HOOK2: variants seen among roughly 807,000 people sequenced by gnomAD.
The protein encoded by HOOK2 is protein Hook homolog 2.
A neutral mutation model predicts 111.9 loss-of-function variants in HOOK2; 108 were observed. The ratio of observed to expected loss-of-function variants is 0.96; its 90% CI spans 0.83 to 1.13. The LOEUF (loss-of-function observed/expected upper bound fraction) is 1.13, where lower values mean the gene tolerates loss of function less well. Ranked by LOEUF, HOOK2 falls within the 50% of genes most tolerant of loss-of-function variation. HOOK2 has a pLI of 0.00. For synonymous variants in HOOK2, 405 were observed against 394.3 expected, an observed-to-expected ratio of 1.03 and a Z score of -0.32; for missense variants, 978 against 951.3, an observed-to-expected ratio of 1.03 and a Z score of -0.37.
chr19:12,763,896 T>A (rs1968071818), intron 20 of HOOK2, 118 bp from the exon 21 acceptor site: 2 of 708,836 alleles, frequency 2.8e-6, no homozygotes, highest in Non-Finnish European at 4.7e-6. Flanking sequence ...CCCCCTATGT[T>A]GCCCAGGATG....
chr19:12,774,526 T>C, intron 3 of HOOK2, 143 bp downstream of exon 3: 1 of 795,736 alleles, frequency 1.3e-6, no homozygotes, highest in Non-Finnish European at 2.1e-6. Context: ...GGGTGAGTAC[T>C]CCATAGATGA....
At chr19:12,773,543 G>A (rs1339056510) in intron 3 of HOOK2, among the ~76,000 whole-genome samples, 1 of 151,544 alleles carries the variant, frequency 6.6e-6, no homozygotes, top group Non-Finnish European at 1.5e-5. Context: ...CACTGTGCCC[G>A]GCCTGCCTGA....
rs1021189853 is a variant in HOOK2, at chr19:12,791,725, C to T, written n.42-17500G>A. On this transcript the variant is annotated intron_variant and non_coding_transcript_variant, in intron 3 of 3. Coordinates refer to the HOOK2 transcript ENST00000589765. This position sits in a 1 kb window ranked among gnomAD's most constrained non-coding sequence, Gnocchi z 7.0. Reference sequence around the variant, plus strand: ...GCTCGCCGCTCGCTGCAGCGAGGCCCGGAGCGGCCCCGCAGGGACCCTCCC... The same window carrying T: ...GCTCGCCGCTCGCTGCAGCGAGGCCTGGAGCGGCCCCGCAGGGACCCTCCC... 2 of 1,406,716 alleles carry T rather than the reference C, an allele frequency of 1.4e-6. No individual in the cohort carries two copies. The highest frequency in any genetic ancestry group is 1.9e-6 in the Non-Finnish European group (2 of 1,034,240). 87.1% of individuals were successfully genotyped at this position (1,406,716 alleles called of 1,614,324 possible).
Position 12,763,132 on chromosome 19 carries a change from C to A in HOOK2, c.*150G>T, listed in dbSNP as rs1968044419. On this transcript the variant is annotated 3_prime_UTR_variant, in exon 23 of 23. Coordinates refer to ENST00000397668, the MANE Select transcript of HOOK2 (RefSeq NM_013312.3). ...AGAACAGGCCTATATCTACCTCCCGCCCTCCCTCCCCACCAATCTGGGAGA... is the reference window on the plus strand; with the variant it reads ...AGAACAGGCCTATATCTACCTCCCGACCTCCCTCCCCACCAATCTGGGAGA... The A allele has an allele frequency of 3.6e-6, 2 of 551,196 alleles. No homozygotes were observed. Among genetic ancestry groups the A allele is most frequent in the Admixed American group, 3.2e-5 (1 of 31,000 alleles). The allele number at this position is 551,196 out of a possible 1,614,324, so 34.1% of individuals were successfully genotyped here. A position where few individuals can be genotyped will look rare whatever the true frequency, so the allele number is the denominator to read the frequency against.
intron 3 of HOOK2, among the ~76,000 whole-genome samples, chr19:12,773,739 G>A (rs1321509586): frequency 6.6e-6 from 1 of 152,130 alleles, no homozygotes; most frequent in Non-Finnish European, 1.5e-5. Context: ...TAAAGCCCAA[G>A]CCAGGTTGCA....
intron 3 of HOOK2, chr19:12,774,329 C>T (rs1968429285): frequency 2.8e-6 from 1 of 357,794 alleles, no homozygotes; most frequent in African/African-American, 2.1e-5. Context: ...TGGTCTTGAA[C>T]TCCTGGCCCC....
At chr19:12,774,961 T>A in intron 1 of HOOK2, 64 bp from the exon 2 acceptor site, 1 of 1,466,984 alleles carries the variant, frequency 6.8e-7, no homozygotes, top group Non-Finnish European at 9.3e-7. Context: ...CGCTCCCCTT[T>A]TGCAGACTTT....
chr19:12,773,262 CTT>C (rs1968394091), intron 3 of HOOK2: 4 of 452,884 alleles, frequency 8.8e-6, no homozygotes, highest in Non-Finnish European at 1.5e-5. Flanking sequence ...TTTGCTTTAG[CTT>C]TTTAAGACAG....
At chr19:12,767,722 C>T (rs1193964201) in intron 13 of HOOK2, 94 bp downstream of exon 13, 10 of 1,207,064 alleles carry the variant, frequency 8.3e-6, no homozygotes, top group Non-Finnish European at 1.2e-6. Flanking sequence ...TGGCCTAGCT[C>T]TGTCCCCAAC....
At chr19:12,772,038 C>T (rs936126141) in intron 7 of HOOK2, 152 bp downstream of exon 7, 1 of 667,884 alleles carries the variant, frequency 1.5e-6, no homozygotes, top group South Asian at 1.8e-5. Flanking sequence ...ACAAGCCCCT[C>T]CCCCTTAGGC....
chr19:12,766,131 C>T lies in HOOK2; in HGVS notation c.1483G>A (p.Ala495Thr), dbSNP rs370736872. ...LQRHLEDANR[A>T]RHGLETQHRL... ...TGCTGCGTCTCCAACCCGTGGCGCG[C>T]GCGGTTGGCATCCTCCAGGTGGCGC... Residue 495 changes from alanine (A) to threonine (T), a missense_variant, in exon 15 of 23, where the codon GCG becomes ACG. Ala to Thr is a moderately conservative substitution (Grantham distance 58). This residue lies in a region of HOOK2 where 388 missense variants were observed against 358.3 expected (regional missense o/e 1.08). Transcript: ENST00000397668. 3 of 1,601,696 alleles carry T rather than the reference C, an allele frequency of 1.9e-6. No individual in the cohort carries two copies. The highest frequency in any genetic ancestry group is 2.7e-5 in the African/African-American group (2 of 74,888).
chr19:12,783,093 TGGCCTCGC>T (rs1056142178), upstream of HOOK2, among the ~76,000 whole-genome samples: 21 of 152,150 alleles, frequency 1.4e-4, no homozygotes, highest in Non-Finnish European at 2.8e-4. Flanking sequence ...TGGCCGCAGC[TGGCCTCGC>T]TCCCGCTTCT....
In HOOK2 at chr19:12,786,816, C is replaced by T. The variant is rs573709989; in HGVS notation, n.42-12591G>A. Among the ~76,000 whole-genome samples, 107 of 152,306 alleles carry T rather than the reference C, an allele frequency of 7.0e-4. 1 individual carries two copies. Among genetic ancestry groups the T allele is most frequent in the South Asian group, 1.7e-3 (8 of 4,826 alleles). ...AGGAACCCTACTCCCACATGCTGGC[C>T]TGTCCACAGAGACCCGTGCCCCTCT... On this transcript the variant is annotated intron_variant and non_coding_transcript_variant, in intron 3 of 3. Coordinates refer to the HOOK2 transcript ENST00000589765. This position sits in a 1 kb window ranked among gnomAD's most constrained non-coding sequence, Gnocchi z 4.3.
chr19:12,779,873 G>C (rs1968581301), upstream of HOOK2, among the ~76,000 whole-genome samples: 1 of 152,168 alleles, frequency 6.6e-6, no homozygotes, highest in Non-Finnish European at 1.5e-5. Flanking sequence ...GTTGGGGCCG[G>C]GCTTGGTGGC....
At position 12,771,465 on chromosome 19, in the gene HOOK2, A is replaced by G; in HGVS notation, c.532T>C (p.Tyr178His). The G allele has an allele frequency of 1.2e-6, 2 of 1,612,552 alleles. No individual in the cohort carries two copies. The highest frequency in any genetic ancestry group is 1.1e-5 in the South Asian group (1 of 90,586). The change falls in exon 8 of 23, where the codon TAT becomes CAT. Residue 178 changes from tyrosine (Y) to histidine (H), a missense_variant. By Grantham distance (83) the Tyr-to-His change is moderately conservative. Around this residue, in one of 5 missense-constraint regions of HOOK2, gnomAD observed 301 missense variants for 286.1 expected, o/e 1.05. Coordinates refer to ENST00000397668, the MANE Select transcript of HOOK2 (RefSeq NM_013312.3). ...GNFDSQSRRY[Y>H]FLSEEAEEGD... is the part of the protein sequence containing the mutation. ...TCCTCAGCCTCCTCACTTAGGAAAT[A>G]GTACCTGCGGGACTGCAGAGATGAG...
At position 12,766,087 on chromosome 19, in the gene HOOK2, G is replaced by A. The variant is rs749397957; in HGVS notation, c.1511+16C>T. 8 of 1,602,218 alleles carry A rather than the reference G, an allele frequency of 5.0e-6. No homozygotes were observed. In the East Asian group the frequency reaches 6.7e-5, roughly 13 times the overall value. On this transcript the variant is annotated intron_variant, in intron 15 of 22. Transcript: ENST00000397668. ...CTCTGTCCCTGCTCCGCGCAGGTAG[G>A]TCCCCAGGCGCTCACCGGTGCTGCG...
chr19:12,787,002 A>G (rs7250961), intron 3 of HOOK2: 21,829 of 152,182 alleles, frequency 0.14, 3,523 homozygotes, highest in African/African-American at 0.4. Context: ...ACCCTGTCTC[A>G]ATAAAATATA....
At chr19:12,782,662 T>A (rs966537528), upstream of HOOK2, among the ~76,000 whole-genome samples, 18 of 151,996 alleles carry the variant, frequency 1.2e-4, no homozygotes, top group Admixed American at 2.0e-4. Context: ...CGCGCGTGCG[T>A]GGGCGGTGGC....
intron 3 of HOOK2, among the ~76,000 whole-genome samples, chr19:12,787,790 C>T (rs1968671544): frequency 1.3e-5 from 2 of 152,246 alleles, no homozygotes; most frequent in South Asian, 4.1e-4. Flanking sequence ...GGCATGGTGG[C>T]CCACGCCTGT....
Sources: gnomAD v4.1 joint callset for allele counts (sites outside exome capture counted in the v4.1 genomes callset) on GRCh38, gnomAD v4.1.1 for gene constraint, gnomAD v4.1.1 regional missense constraint, Gnocchi (gnomAD v3.1) non-coding constraint, MANE v1.5 for transcripts, NCBI Gene and HGNC (gene_info 2026-07-23, HGNC 2026-07-21) for gene names.